The following SNX2 variants were observed in gnomAD, a reference collection of about 807,000 sequenced individuals.
SNX2 encodes sorting nexin-2.
Under a neutral mutation model 69.9 loss-of-function variants are expected in SNX2, and 25 were observed. That is an observed-to-expected ratio of 0.36 (90% CI 0.26 to 0.50). The LOEUF (loss-of-function observed/expected upper bound fraction) is 0.50. Ranked by LOEUF, SNX2 falls within the 20% of genes least tolerant of loss-of-function variation. The probability of loss-of-function intolerance (pLI) is 0.97; values close to 1 mark genes in which losing one functional copy is unlikely to be tolerated. For synonymous variants in SNX2, 229 were observed against 200.4 expected (o/e 1.14, Z -1.20); for missense variants, 551 against 613.3 (o/e 0.90, Z 1.07).
At chr5:122,796,388 A>G (rs896561492) in intron 2 of SNX2, among the ~76,000 whole-genome samples, 1 of 152,256 alleles carries the variant, frequency 6.6e-6, no homozygotes, top group Admixed American at 6.5e-5. Context: ...GATTCATTCC[A>G]TGAGAAGTTG....
intron 14 of SNX2, among the ~76,000 whole-genome samples, chr5:122,829,267 T>C (rs183927137): frequency 2.0e-5 from 3 of 152,212 alleles, no homozygotes; most frequent in Admixed American, 2.0e-4. Flanking sequence ...TGCAGTGGTG[T>C]GATCTTGGCT....
chr5:122,783,612 C>A (rs1036729677), intron 1 of SNX2, among the ~76,000 whole-genome samples: 22 of 152,044 alleles, frequency 1.4e-4, no homozygotes, highest in African/African-American at 5.3e-4. Flanking sequence ...TGTGGGTTGA[C>A]CTATTTCTGT....
intron 6 of SNX2, among the ~76,000 whole-genome samples, chr5:122,806,142 GCA>G (rs139834252): frequency 0.35 from 45,310 of 130,090 alleles, 8,435 homozygotes; most frequent in Non-Finnish European, 0.43. Context: ...ACACGCGCGC[GCA>G]CACACACACA....
intron 1 of SNX2, among the ~76,000 whole-genome samples, 165 bp from the exon 2 acceptor site, chr5:122,795,101 G>A (rs1266643653): frequency 6.6e-6 from 1 of 152,188 alleles, no homozygotes; most frequent in Non-Finnish European, 1.5e-5. Context: ...AGTTAAAAGT[G>A]TGTTATTAGT....
At chr5:122,826,791 CACA>C (rs1754159042) in intron 12 of SNX2, 1 of 227,554 alleles carries the variant, frequency 4.4e-6, no homozygotes, top group African/African-American at 2.3e-5. Flanking sequence ...GTTCACTAAT[CACA>C]ACATTTTGTT....
intron 7 of SNX2, 40 bp downstream of exon 7, chr5:122,808,395 T>C (rs375636878): frequency 1.5e-4 from 204 of 1,353,168 alleles, no homozygotes; most frequent in Non-Finnish European, 2.0e-4. Flanking sequence ...CTCATGTTTG[T>C]ACCTTAATAT....
intron 9 of SNX2, 32 bp downstream of exon 9, chr5:122,817,060 G>A: frequency 6.8e-7 from 1 of 1,462,540 alleles, no homozygotes; most frequent in East Asian, 2.3e-5. Flanking sequence ...TGAATAATGA[G>A]ATGAATTAAT....
intron 12 of SNX2, chr5:122,826,697 A>G: frequency 1.1e-6 from 1 of 933,182 alleles, no homozygotes; most frequent in Non-Finnish European, 1.3e-6. Flanking sequence ...TGCCCTTTGA[A>G]GAGTATGTAC....
At chr5:122,778,558 G>A (rs140037491) in intron 1 of SNX2, among the ~76,000 whole-genome samples, 16,308 of 151,984 alleles carry the variant, frequency 0.11, 1,266 homozygotes, top group East Asian at 0.36. Flanking sequence ...ACCCAGGGTG[G>A]AGTGCAGTGG....
chr5:122,796,556 TC>T (rs1278523869), intron 2 of SNX2, among the ~76,000 whole-genome samples: 1 of 152,240 alleles, frequency 6.6e-6, no homozygotes, highest in Non-Finnish European at 1.5e-5. Context: ...TGTTATTGTG[TC>T]CTTTCATGGA....
chr5:122,814,313 C>A (rs984591646), intron 7 of SNX2, among the ~76,000 whole-genome samples: 1 of 152,172 alleles, frequency 6.6e-6, no homozygotes, highest in Non-Finnish European at 1.5e-5. Flanking sequence ...CTTAAACCTG[C>A]AGGATTAGTG....
chr5:122,815,624 G>C lies in SNX2; in HGVS notation c.723-272G>C, dbSNP rs1753882903. On this transcript the variant is annotated intron_variant, in intron 7 of 14. Coordinates refer to ENST00000379516, the MANE Select transcript of SNX2 (RefSeq NM_003100.4). ...ATAATACTTTGCAATGAGAAGTTTGGTAAGTTATTTAACCTCTCCCCACTC... is the reference window on the plus strand; with the variant it reads ...ATAATACTTTGCAATGAGAAGTTTGCTAAGTTATTTAACCTCTCCCCACTC... 4 of 230,232 alleles carry C rather than the reference G, an allele frequency of 1.7e-5. No homozygotes were observed. The South Asian group carries it at 4.8e-4, about 28-fold the overall frequency. The allele number at this position is 230,232 out of a possible 1,614,324, so 14.3% of individuals were successfully genotyped here.
Position 122,822,334 on chromosome 5 carries a change from C to T in SNX2, c.1212+3311C>T, listed in dbSNP as rs541832337. Among the ~76,000 whole-genome samples the T allele has an allele frequency of 3.2e-4, 48 of 152,288 alleles. No individual in the cohort carries two copies. The South Asian group carries it at 7.2e-3, about 23-fold the overall frequency. On this transcript the variant is annotated intron_variant, in intron 11 of 14. Coordinates refer to ENST00000379516, the MANE Select transcript of SNX2 (RefSeq NM_003100.4). ...TCTTGACCTCGTGATCTACTCACCT[C>T]GGCGTCCCAAAGCGCTGGGATTACA...
chr5:122,785,072 C>G (rs902150460), intron 1 of SNX2, among the ~76,000 whole-genome samples: 2 of 151,828 alleles, frequency 1.3e-5, no homozygotes, highest in Admixed American at 6.6e-5. Flanking sequence ...TCTTTTTTTT[C>G]CTGATACTGG....
At chr5:122,789,472 C>CGG (rs1753174971) in intron 1 of SNX2, among the ~76,000 whole-genome samples, 1 of 49,160 alleles carries the variant, frequency 2.0e-5, no homozygotes, top group Admixed American at 2.4e-4. Flanking sequence ...CAGACACACA[C>CGG]GGACACACAC....
At chr5:122,805,732 G>C (rs1753627533) in intron 6 of SNX2, among the ~76,000 whole-genome samples, 2 of 152,116 alleles carry the variant, frequency 1.3e-5, no homozygotes, top group Non-Finnish European at 2.9e-5. Flanking sequence ...ACAGGCATGA[G>C]TCACCACACC....
intron 1 of SNX2, among the ~76,000 whole-genome samples, chr5:122,787,879 T>C (rs1753128902): frequency 6.6e-6 from 1 of 152,246 alleles, no homozygotes; most frequent in African/African-American, 2.4e-5. Flanking sequence ...TTACATGTAT[T>C]ATAGCTGTAT....
Position 122,818,883 on chromosome 5 carries a change from A to T in SNX2, c.1072A>T (p.Thr358Ser), listed in dbSNP as rs1214611596. Residue 358 changes from threonine to serine, a missense_variant, in exon 11 of 15, where the codon ACT becomes TCT. By Grantham distance (58) the Thr-to-Ser change is moderately conservative (BLOSUM62 1). Around this residue, in one of 2 missense-constraint regions of SNX2, gnomAD observed 360 missense variants for 450.4 expected, o/e 0.80. Transcript: ENST00000379516. ...AAMLGNSEDH[T>S]ALSRALSQLA... ...CATGTTAGGTAATTCTGAGGATCATACTGCTTTATCTAGAGCTTTGTCTCA... is the reference window on the plus strand; with the variant it reads ...CATGTTAGGTAATTCTGAGGATCATTCTGCTTTATCTAGAGCTTTGTCTCA... 1 of 1,614,006 alleles carries T rather than the reference A, an allele frequency of 6.2e-7. No homozygotes were observed.
At chr5:122,805,226 G>A (rs143722388) in intron 6 of SNX2, among the ~76,000 whole-genome samples, 2,236 of 150,548 alleles carry the variant, frequency 0.015, 20 homozygotes, top group Non-Finnish European at 0.019. Flanking sequence ...GGGAGGCAGA[G>A]GTTGCAGTGA....
Sources: gnomAD v4.1 joint callset for allele counts (sites outside exome capture counted in the v4.1 genomes callset) on GRCh38, gnomAD v4.1.1 for gene constraint, gnomAD v4.1.1 regional missense constraint, MANE v1.5 for transcripts, NCBI Gene and HGNC (gene_info 2026-07-23, HGNC 2026-07-21) for gene names.